SHANK2: variants seen among roughly 807,000 people sequenced by gnomAD.
SHANK2 encodes the protein SH3 and multiple ankyrin repeat domains protein 2.
Under a neutral mutation model 133.7 loss-of-function variants are expected in SHANK2, and 43 were observed. The ratio of observed to expected loss-of-function variants is 0.32; its 90% CI spans 0.25 to 0.41. The LOEUF is 0.41. Among genes scored for constraint, SHANK2 ranks in the 10% least tolerant of loss-of-function variants. SHANK2 has a pLI of 1.00. For missense variants in SHANK2, 1,994 were observed against 2,235.8 expected, an observed-to-expected ratio of 0.89 and a Z score of 2.18; for synonymous variants, 1,017 against 952.8, an observed-to-expected ratio of 1.07 and a Z score of -1.24.
At chr11:70,928,570 G>C (rs1555082008) in intron 10 of SHANK2, among the ~76,000 whole-genome samples, 2 of 152,142 alleles carry the variant, frequency 1.3e-5, no homozygotes, top group Non-Finnish European at 2.9e-5. Context: ...AAAGCCTGTG[G>C]TAACAGAAAA....
intron 12 of SHANK2, among the ~76,000 whole-genome samples, chr11:70,815,175 AACACACACACACACACACACACACAC>A (rs61610592): frequency 0.074 from 8,903 of 119,740 alleles, 948 homozygotes; most frequent in African/African-American, 0.23. Context: ...TGGGAGAAGA[AACACACACACACACACACACACACAC>A]ACACACACAC....
rs1565496296 is a variant in SHANK2 at position 71,175,553 on chromosome 11, AGAGAGAG to A, written c.-12-28222_-12-28216del. ...GACAGACAGAGGGAGAGGGAGAGGGAGAGAGAGAGAGAGAGAGAGAGAGAGAGAGAGA... is the reference window on the plus strand; with the variant it reads ...GACAGACAGAGGGAGAGGGAGAGGGAAGAGAGAGAGAGAGAGAGAGAGAGA... On this transcript the variant is annotated intron_variant, in intron 2 of 25. Transcript: ENST00000601538. The surrounding 1 kb of genome is among the most constrained non-coding windows in gnomAD (Gnocchi z 4.2). Among the ~76,000 whole-genome samples the A allele has an allele frequency of 3.8e-5, 1 of 26,320 alleles. No homozygotes were observed. The highest frequency in any genetic ancestry group is 6.2e-5 in the Non-Finnish European group (1 of 16,018). The allele number at this position is 26,320 out of a possible 152,430, so 17.3% of individuals were successfully genotyped here. A position where few individuals can be genotyped will look rare whatever the true frequency, so the allele number is the denominator to read the frequency against.
intron 11 of SHANK2, among the ~76,000 whole-genome samples, chr11:70,855,926 C>A (rs1480199362): frequency 6.6e-6 from 1 of 151,138 alleles, no homozygotes; most frequent in Non-Finnish European, 1.5e-5. Flanking sequence ...TGGATGAATG[C>A]ATGGATAGAG....
At chr11:70,954,391 G>C (rs80324485) in intron 10 of SHANK2, among the ~76,000 whole-genome samples, 3,978 of 152,340 alleles carry the variant, frequency 0.026, 71 homozygotes, top group South Asian at 0.046. Flanking sequence ...AGGAACTGCA[G>C]AGTGCACAGC....
Position 70,890,494 on chromosome 11 carries a change from A to C in SHANK2, c.1174+6007T>G, listed in dbSNP as rs536644878. ...TCTCTACTAAAAAAAAAAACAAAAAAAACAAAAAAAACAAAAAAACAGAGG... is the reference window on the plus strand; with the variant it reads ...TCTCTACTAAAAAAAAAAACAAAAACAACAAAAAAAACAAAAAAACAGAGG... On this transcript the variant is annotated intron_variant, in intron 11 of 25. Coordinates refer to ENST00000601538, the MANE Select transcript of SHANK2 (RefSeq NM_012309.5). Among the ~76,000 whole-genome samples the C allele has an allele frequency of 6.7e-3, 158 of 23,566 alleles. 1 individual carries two copies. Among genetic ancestry groups the C allele is most frequent in the Non-Finnish European group, 0.055 (126 of 2,306 alleles). The allele number at this position is 23,566 out of a possible 152,430, so 15.5% of individuals were successfully genotyped here.
chr11:70,688,280 C>G (rs1217795617), intron 15 of SHANK2, among the ~76,000 whole-genome samples: 1 of 152,196 alleles, frequency 6.6e-6, no homozygotes. Flanking sequence ...AGGGTCTGAG[C>G]GTACCTCCAG....
intron 3 of SHANK2, among the ~76,000 whole-genome samples, chr11:71,133,146 G>T (rs1268214423): frequency 2.1e-4 from 31 of 150,554 alleles, no homozygotes; most frequent in Non-Finnish European, 2.9e-5. Flanking sequence ...AGTGGATGGA[G>T]GGAGGGAGGG....
At chr11:71,240,558 T>C (rs1954875927) in intron 1 of SHANK2, among the ~76,000 whole-genome samples, 1 of 151,992 alleles carries the variant, frequency 6.6e-6, no homozygotes, top group African/African-American at 2.4e-5. Flanking sequence ...AGAATGAAGG[T>C]TACAAATCCA....
At chr11:71,244,678 AAAC>A (rs1375517570) in intron 1 of SHANK2, among the ~76,000 whole-genome samples, 1 of 152,212 alleles carries the variant, frequency 6.6e-6, no homozygotes. Flanking sequence ...CAAAAATGTT[AAAC>A]AATGCCACTC....
At chr11:70,892,893 C>T (rs1280160940) in intron 11 of SHANK2, among the ~76,000 whole-genome samples, 2 of 152,084 alleles carry the variant, frequency 1.3e-5, no homozygotes, top group Admixed American at 6.5e-5. Flanking sequence ...CCTGAGCCTC[C>T]GGGGCCCACA....
intron 18 of SHANK2, among the ~76,000 whole-genome samples, chr11:70,502,497 T>A (rs985334088): frequency 3.3e-5 from 5 of 151,506 alleles, no homozygotes; most frequent in Admixed American, 6.6e-5. Flanking sequence ...CCCTCATGGG[T>A]GGGCCTGGGC....
chr11:70,914,668 TAAATAAAATAAAATAAAATA>T lies in SHANK2; in HGVS notation c.1108-18121_1108-18102del, dbSNP rs370532876. Among the ~76,000 whole-genome samples the T allele has an allele frequency of 4.6e-3, 492 of 107,286 alleles. 5 individuals carry two copies. The highest frequency in any genetic ancestry group is 0.017 in the African/African-American group (459 of 27,112). 70.4% of individuals were successfully genotyped at this position (107,286 alleles called of 152,430 possible). On this transcript the variant is annotated intron_variant, in intron 10 of 25. Coordinates refer to ENST00000601538, the MANE Select transcript of SHANK2 (RefSeq NM_012309.5). The stretch of plus-strand genomic sequence containing the variant: ...AAGAACCCTACCTCTACAAAAAAAA[TAAATAAAATAAAATAAAATA>T]AAATAAAATAAAATAAAATAAAATA...
At chr11:71,213,786 C>T (rs1483275666) in intron 2 of SHANK2, among the ~76,000 whole-genome samples, 7 of 152,176 alleles carry the variant, frequency 4.6e-5, no homozygotes, top group Non-Finnish European at 8.8e-5. Flanking sequence ...TTCTGATAAG[C>T]AAACTGGACT....
intron 11 of SHANK2, among the ~76,000 whole-genome samples, chr11:70,850,648 G>A (rs527824163): frequency 2.0e-5 from 3 of 152,164 alleles, no homozygotes; most frequent in Non-Finnish European, 4.4e-5. Flanking sequence ...CTTGGGCCTC[G>A]AGTCACTGTG....
intron 11 of SHANK2, among the ~76,000 whole-genome samples, chr11:70,894,181 TTTTTG>T (rs1262570165): frequency 6.6e-6 from 1 of 151,898 alleles, no homozygotes; most frequent in Non-Finnish European, 1.5e-5. Flanking sequence ...GTCAGCCTGG[TTTTTG>T]TTTTGTTTTG....
chr11:70,881,559 ATAT>A (rs58195347), intron 11 of SHANK2, among the ~76,000 whole-genome samples: 113,093 of 140,780 alleles, frequency 0.8, 46,132 homozygotes, highest in South Asian at 0.93. Context: ...AATAATAATA[ATAT>A]TAATAATAAT....
chr11:70,601,120 C>A (rs1354171724), intron 17 of SHANK2, among the ~76,000 whole-genome samples: 1 of 151,972 alleles, frequency 6.6e-6, no homozygotes, highest in Non-Finnish European at 1.5e-5. Context: ...GGTGTAATCT[C>A]AGCTCACGGC....
intron 17 of SHANK2, among the ~76,000 whole-genome samples, chr11:70,583,816 C>T (rs11820925): frequency 0.13 from 19,578 of 152,198 alleles, 1,371 homozygotes; most frequent in Middle Eastern, 0.16. Context: ...CATCACCCCA[C>T]GGTATAACGT....
intron 1 of SHANK2, among the ~76,000 whole-genome samples, chr11:71,235,881 A>G (rs1954820790): frequency 6.6e-6 from 1 of 152,182 alleles, no homozygotes; most frequent in African/African-American, 2.4e-5. Context: ...ATGTGTGTGT[A>G]CACCATCTCC....
Sources: gnomAD v4.1 joint callset for allele counts (sites outside exome capture counted in the v4.1 genomes callset) on GRCh38, gnomAD v4.1.1 for gene constraint, Gnocchi (gnomAD v3.1) non-coding constraint, MANE v1.5 for transcripts, NCBI Gene and HGNC (gene_info 2026-07-23, HGNC 2026-07-21) for gene names.